The following GLIS3 variants were observed in gnomAD, a reference collection of about 807,000 sequenced individuals.
GLIS3 encodes the protein GLIS family zinc finger 3, also known as zinc finger protein GLIS3.
A neutral mutation model predicts 78.6 loss-of-function variants in GLIS3; 53 were observed. That is an observed-to-expected ratio of 0.67 (90% CI 0.54 to 0.85). GLIS3 has a LOEUF of 0.85. Among genes scored for constraint, GLIS3 ranks in the 40% least tolerant of loss-of-function variants. GLIS3 has a pLI of 0.00. For synonymous variants in GLIS3, 684 were observed against 509.9 expected (o/e 1.34, Z -4.60); for missense variants, 1,703 against 1,231.1 (o/e 1.38, Z -5.74).
At chr9:4,288,411 T>G (rs1212583694) in intron 1 of GLIS3, among the ~76,000 whole-genome samples, 1 of 151,902 alleles carries the variant, frequency 6.6e-6, no homozygotes, top group African/African-American at 2.4e-5. Flanking sequence ...GAAATATGAG[T>G]CACTAAGACC....
intron 2 of GLIS3, among the ~76,000 whole-genome samples, chr9:4,322,812 C>T (rs184956939): frequency 4.6e-5 from 7 of 152,230 alleles, no homozygotes; most frequent in Admixed American, 2.6e-4. Context: ...TGAATATTAG[C>T]CCTGTGTCAG....
intron 4 of GLIS3, among the ~76,000 whole-genome samples, chr9:4,013,057 C>G (rs1158873195): frequency 6.6e-6 from 1 of 151,898 alleles, no homozygotes; most frequent in Non-Finnish European, 1.5e-5. Context: ...ACAGGTGTCT[C>G]TGGTTTCTTA....
At chr9:4,259,467 G>A (rs953510092) in intron 2 of GLIS3, among the ~76,000 whole-genome samples, 6 of 151,970 alleles carry the variant, frequency 3.9e-5, no homozygotes, top group Admixed American at 3.9e-4. Flanking sequence ...AGTTAGGGGT[G>A]GGGGAACTAA....
rs772150362 is a variant in GLIS3 at position 4,343,686 on chromosome 9, G to T, written n.264+3395C>A. ...CCTAAATGCCCACCAACGGTGGACC[G>T]GATAAAGAAAATGCGGTACATACAC... On this transcript the variant is annotated intron_variant and non_coding_transcript_variant, in intron 2 of 4. Coordinates refer to the GLIS3 transcript ENST00000471664. 3.3e-5 allele frequency among the ~76,000 whole-genome samples: 5 copies of T among 152,164 alleles called. 1 individual carries two copies. The highest frequency in any genetic ancestry group is 9.7e-5 in the African/African-American group (4 of 41,438).
At chr9:4,174,272 T>C (rs1286626385) in intron 2 of GLIS3, among the ~76,000 whole-genome samples, 1 of 152,210 alleles carries the variant, frequency 6.6e-6, no homozygotes, top group African/African-American at 2.4e-5. Flanking sequence ...AGGTTTCATG[T>C]ATTATACCTA....
intron 2 of GLIS3, among the ~76,000 whole-genome samples, chr9:4,165,956 GAGT>G (rs1017999105): frequency 1.3e-5 from 2 of 152,168 alleles, no homozygotes; most frequent in African/African-American, 4.8e-5. Flanking sequence ...GCAGACAGGG[GAGT>G]AGGAGGGAGC....
At position 4,245,650 on chromosome 9, in the gene GLIS3, T is replaced by C. The variant is rs147542832; in HGVS notation, c.388+40388A>G. Among the ~76,000 whole-genome samples, 759 of 152,328 alleles carry C rather than the reference T, an allele frequency of 5.0e-3. 8 individuals are homozygous for C. The highest frequency in any genetic ancestry group is 0.018 in the African/African-American group (728 of 41,568). On this transcript the variant is annotated intron_variant, in intron 2 of 10. Transcript: ENST00000381971. ...GACTCCAATGGCACGGAGAAAGGAT[T>C]GTTTTGAAAACTGATATAATTTTCA... is the stretch of plus-strand genomic sequence containing the variant.
intron 2 of GLIS3, among the ~76,000 whole-genome samples, chr9:4,259,031 T>C (rs148272004): frequency 6.6e-6 from 1 of 152,224 alleles, no homozygotes; most frequent in African/African-American, 2.4e-5. Flanking sequence ...GGGTTTGCCA[T>C]CTCCTGCCTG....
intron 2 of GLIS3, among the ~76,000 whole-genome samples, chr9:4,225,283 C>T (rs1037556934): frequency 6.6e-6 from 1 of 152,126 alleles, no homozygotes; most frequent in African/African-American, 2.4e-5. Flanking sequence ...ACCTGTGACT[C>T]AAATGTTTTA....
chr9:4,253,681 G>C (rs372755443), intron 2 of GLIS3, among the ~76,000 whole-genome samples: 54 of 152,312 alleles, frequency 3.5e-4, no homozygotes, highest in African/African-American at 1.3e-3. Context: ...AGCTAGCTGG[G>C]TGTCCGCCCA....
At chr9:4,435,958 C>CAA in the GLIS3 span, among the ~76,000 whole-genome samples, 1 of 151,904 alleles carries the variant, frequency 6.6e-6, no homozygotes, top group African/African-American at 2.4e-5. Context: ...CAAAACAAAA[C>CAA]AAAACAAAAC....
At chr9:4,355,930 T>C in the GLIS3 span, among the ~76,000 whole-genome samples, 1 of 152,254 alleles carries the variant, frequency 6.6e-6, no homozygotes, top group African/African-American at 2.4e-5. Flanking sequence ...GCGTTTGGTA[T>C]GGTTACATAG....
intron 2 of GLIS3, among the ~76,000 whole-genome samples, chr9:4,243,708 G>C (rs1823541869): frequency 6.6e-6 from 1 of 152,160 alleles, no homozygotes; most frequent in East Asian, 1.9e-4. Context: ...ATGCCTCCCT[G>C]GCAGTTTTCT....
rs1588031401 is a variant in GLIS3 at position 3,824,327 on chromosome 9, C to A, written c.*3945G>T. 1 of 152,606 alleles carries A rather than the reference C, an allele frequency of 6.6e-6. No homozygotes were observed. The highest frequency in any genetic ancestry group is 1.9e-4 in the East Asian group (1 of 5,192). The allele number at this position is 152,606 out of a possible 1,614,324, so 9.5% of individuals were successfully genotyped here. A position where few individuals can be genotyped will look rare whatever the true frequency, so the allele number is the denominator to read the frequency against. ...AGCTGGACTTGAACATTCCCTCCCG[C>A]ATCATCTGCCTTTAATTATAATTAC... On this transcript the variant is annotated 3_prime_UTR_variant, in exon 11 of 11. Coordinates refer to ENST00000381971, the MANE Select transcript of GLIS3 (RefSeq NM_001042413.2).
chr9:4,122,531 G>C lies in GLIS3; in HGVS notation c.596+3203C>G, dbSNP rs1382969490. On this transcript the variant is annotated intron_variant, in intron 3 of 10. Transcript: ENST00000381971. ...TAGGAAATAAAAATCTAAATACAGTGCCTTTTTGGATCTGGAATGACATTC... is the reference window on the plus strand; with the variant it reads ...TAGGAAATAAAAATCTAAATACAGTCCCTTTTTGGATCTGGAATGACATTC... Among the ~76,000 whole-genome samples the C allele has an allele frequency of 1.3e-5, 2 of 152,178 alleles. 1 individual carries two copies. The highest frequency in any genetic ancestry group is 2.9e-5 in the Non-Finnish European group (2 of 68,020).
chr9:4,253,933 G>T (rs941694935), intron 2 of GLIS3, among the ~76,000 whole-genome samples: 2 of 152,136 alleles, frequency 1.3e-5, no homozygotes, highest in Non-Finnish European at 2.9e-5. Context: ...TCCATGGGCT[G>T]CACTCACTGT....
intron 2 of GLIS3, among the ~76,000 whole-genome samples, chr9:4,141,720 G>A (rs1282560991): frequency 1.3e-5 from 2 of 152,174 alleles, no homozygotes; most frequent in African/African-American, 4.8e-5. Flanking sequence ...AATTGGAGAG[G>A]TAGGAAGGCT....
At position 4,266,433 on chromosome 9, in the gene GLIS3, A is replaced by G. The variant is rs147091709; in HGVS notation, c.388+19605T>C. Among the ~76,000 whole-genome samples the G allele has an allele frequency of 7.6e-4, 116 of 152,264 alleles. 1 individual carries two copies. The East Asian group carries it at 0.013, about 18-fold the overall frequency. On this transcript the variant is annotated intron_variant, in intron 2 of 10. Transcript: ENST00000381971. The stretch of plus-strand genomic sequence containing the variant: ...AAACCCAGCTCCAGACAAAAGAACC[A>G]TCACCACAAGTTCAGAGATGCAATA...
chr9:4,360,280 C>A, the GLIS3 span, among the ~76,000 whole-genome samples: 6 of 152,246 alleles, frequency 3.9e-5, no homozygotes, highest in Non-Finnish European at 8.8e-5. Context: ...TGAAGAGGAG[C>A]AGCAACAAAA....
Sources: gnomAD v4.1 joint callset for allele counts (sites outside exome capture counted in the v4.1 genomes callset) on GRCh38, gnomAD v4.1.1 for gene constraint, MANE v1.5 for transcripts, NCBI Gene and HGNC (gene_info 2026-07-23, HGNC 2026-07-21) for gene names.